Variants in MYT1L observed in about 807,000 individuals in gnomAD.
The protein encoded by MYT1L is myelin transcription factor 1 like.
Under a neutral mutation model 126.7 loss-of-function variants are expected in MYT1L, and 12 were observed. The ratio of observed to expected loss-of-function variants is 0.09; its 90% CI spans 0.06 to 0.15. The LOEUF (loss-of-function observed/expected upper bound fraction) is 0.15. MYT1L is among the 10% of genes least tolerant of loss of function. MYT1L has a pLI of 1.00. For missense variants in MYT1L, 979 were observed against 1,585.2 expected (o/e 0.62, Z 6.49); for synonymous variants, 541 against 604.2 (o/e 0.90, Z 1.53).
intron 13 of MYT1L, among the ~76,000 whole-genome samples, chr2:1,907,515 G>C (rs1379472012): frequency 6.6e-6 from 1 of 152,154 alleles, no homozygotes; most frequent in Admixed American, 6.5e-5. Flanking sequence ...TAATCCCCAA[G>C]CCTTAAAAAG....
At chr2:2,139,399 C>A (rs745322590) in intron 3 of MYT1L, among the ~76,000 whole-genome samples, 18 of 151,690 alleles carry the variant, frequency 1.2e-4, no homozygotes, top group Non-Finnish European at 2.5e-4. Flanking sequence ...GTGGGTGGAT[C>A]ACCTGAGGTC....
intron 18 of MYT1L, among the ~76,000 whole-genome samples, chr2:1,883,011 G>C (rs1050400377): frequency 1.3e-5 from 2 of 152,174 alleles, no homozygotes; most frequent in African/African-American, 4.8e-5. Context: ...AGGGACTACT[G>C]CGCGTACGGG....
chr2:2,189,893 C>T (rs1431268068), intron 2 of MYT1L, among the ~76,000 whole-genome samples: 1 of 151,152 alleles, frequency 6.6e-6, no homozygotes, highest in South Asian at 2.1e-4. Flanking sequence ...TTCTCAGGAC[C>T]GCACGGGGAG....
intron 4 of MYT1L, among the ~76,000 whole-genome samples, chr2:2,034,354 C>A (rs1405689518): frequency 1.5e-5 from 2 of 129,392 alleles, no homozygotes; most frequent in Non-Finnish European, 3.3e-5. Flanking sequence ...ACAATCTCCA[C>A]CCTCCAATGC....
intron 4 of MYT1L, among the ~76,000 whole-genome samples, chr2:2,000,646 G>A (rs2062276327): frequency 6.6e-6 from 1 of 152,044 alleles, no homozygotes; most frequent in African/African-American, 2.4e-5. Context: ...TGTTTATTTT[G>A]GGTTTCTTAT....
intron 2 of MYT1L, among the ~76,000 whole-genome samples, chr2:2,207,118 A>C (rs2093349546): frequency 3.3e-5 from 5 of 152,232 alleles, no homozygotes. Flanking sequence ...TCAGTTGTTG[A>C]AAATATTGTG....
At chr2:2,289,791 T>C (rs945794107) in intron 1 of MYT1L, among the ~76,000 whole-genome samples, 1 of 152,208 alleles carries the variant, frequency 6.6e-6, no homozygotes, top group African/African-American at 2.4e-5. Context: ...AGTTTCTTAG[T>C]ATTATTTTAA....
At chr2:1,939,061 CTT>C (rs761040543) in intron 9 of MYT1L, among the ~76,000 whole-genome samples, 2 of 152,206 alleles carry the variant, frequency 1.3e-5, no homozygotes, top group Admixed American at 6.5e-5. Context: ...TCGCCTGAGA[CTT>C]TCTCTCTACT....
At chr2:1,997,687 C>T (rs1405826858) in intron 4 of MYT1L, among the ~76,000 whole-genome samples, 1 of 152,210 alleles carries the variant, frequency 6.6e-6, no homozygotes, top group Non-Finnish European at 1.5e-5. Flanking sequence ...GCCCTGCACA[C>T]AGCCTTATCC....
intron 3 of MYT1L, among the ~76,000 whole-genome samples, chr2:2,148,489 G>C (rs1020411572): frequency 6.6e-6 from 1 of 152,148 alleles, no homozygotes; most frequent in South Asian, 2.1e-4. Flanking sequence ...AACAGGCCAC[G>C]GATAGGTAGT....
intron 3 of MYT1L, among the ~76,000 whole-genome samples, chr2:2,163,662 G>A (rs1575586361): frequency 1.3e-5 from 2 of 151,920 alleles, no homozygotes; most frequent in South Asian, 2.1e-4. Flanking sequence ...AACCCAGGAG[G>A]CGGGGCTTGC....
chr2:2,108,211 C>T (rs1046633007), intron 3 of MYT1L, among the ~76,000 whole-genome samples: 1 of 152,092 alleles, frequency 6.6e-6, no homozygotes, highest in Non-Finnish European at 1.5e-5. Flanking sequence ...AAATGCATCC[C>T]AGTGTACCAA....
intron 2 of MYT1L, among the ~76,000 whole-genome samples, chr2:2,232,362 C>A (rs1400111775): frequency 4.6e-5 from 7 of 152,220 alleles, no homozygotes; most frequent in Non-Finnish European, 1.0e-4. Context: ...CAACTTCCTG[C>A]ATAGGCAGGT....
intron 14 of MYT1L, among the ~76,000 whole-genome samples, chr2:1,898,390 G>A (rs1269707270): frequency 1.3e-5 from 2 of 152,220 alleles, no homozygotes; most frequent in African/African-American, 4.8e-5. Context: ...TCTTACATGG[G>A]AAAGAATGGA....
chr2:1,803,674 C>T (rs2035228581), intron 22 of MYT1L, among the ~76,000 whole-genome samples: 1 of 152,190 alleles, frequency 6.6e-6, no homozygotes, highest in Non-Finnish European at 1.5e-5. Flanking sequence ...CACCCTCAGG[C>T]CCAAGTGGTC....
rs2031700654 is a variant in MYT1L, at chr2:1,789,710, G to T, written c.*2157C>A. On this transcript the variant is annotated 3_prime_UTR_variant, in exon 25 of 25. Transcript: ENST00000647738. ...TGTTATGAACAATGGGGGCCCTAAA[G>T]GCAGCTGGGGCCCTGGGCCACACGG... The T allele has an allele frequency of 6.6e-6, 1 of 152,318 alleles. No homozygotes were observed. The highest frequency in any genetic ancestry group is 2.1e-4 in the South Asian group (1 of 4,826). 9.4% of individuals were successfully genotyped at this position (152,318 alleles called of 1,614,324 possible).
chr2:1,846,739 C>T (rs559436950), intron 19 of MYT1L, among the ~76,000 whole-genome samples: 8 of 152,278 alleles, frequency 5.3e-5, no homozygotes, highest in African/African-American at 1.4e-4. Context: ...CTCTATGCCC[C>T]GCATGAGAAT....
At chr2:1,902,564 T>C (rs926129245) in intron 14 of MYT1L, among the ~76,000 whole-genome samples, 3 of 152,168 alleles carry the variant, frequency 2.0e-5, no homozygotes, top group Non-Finnish European at 4.4e-5. Flanking sequence ...TCTGATTTTA[T>C]TGGTCATGAG....
At chr2:2,268,810 T>G (rs1353250141) in intron 2 of MYT1L, among the ~76,000 whole-genome samples, 1 of 152,146 alleles carries the variant, frequency 6.6e-6, no homozygotes, top group Non-Finnish European at 1.5e-5. Flanking sequence ...AAGAATCACA[T>G]GTTTAGGGAA....
Sources: allele counts gnomAD v4.1 joint callset (sites outside exome capture counted in the v4.1 genomes callset), GRCh38; gene constraint gnomAD v4.1.1; transcripts MANE v1.5; gene names NCBI Gene and HGNC (gene_info 2026-07-23, HGNC 2026-07-21).